Variants in BRAF observed in about 807,000 individuals in gnomAD.
BRAF encodes the protein B-Raf proto-oncogene, serine/threonine kinase, also known as serine/threonine-protein kinase B-raf.
A neutral mutation model predicts 104.6 loss-of-function variants in BRAF; 16 were observed. That is an observed-to-expected ratio of 0.15 (90% CI 0.10 to 0.23). The LOEUF (loss-of-function observed/expected upper bound fraction) is 0.23, where lower values mean the gene tolerates loss of function less well. Ranked by LOEUF, BRAF falls within the 10% of genes least tolerant of loss-of-function variation. BRAF has a pLI of 1.00. For synonymous variants in BRAF, 310 were observed against 341.6 expected, an observed-to-expected ratio of 0.91 and a Z score of 1.02; for missense variants, 541 against 937.3, an observed-to-expected ratio of 0.58 and a Z score of 5.52.
At chr7:140,735,276 C>G (rs551758400) in intron 18 of BRAF, among the ~76,000 whole-genome samples, 16 of 152,332 alleles carry the variant, frequency 1.1e-4, no homozygotes, top group African/African-American at 3.6e-4. Context: ...CAGAACCTCA[C>G]AGACCCAGAG....
At chr7:140,799,221 T>G (rs1429704752) in intron 7 of BRAF, 1 of 227,274 alleles carries the variant, frequency 4.4e-6, no homozygotes, top group Non-Finnish European at 8.8e-6. Context: ...GTTCATTTTT[T>G]TCTTTTACGC....
At chr7:140,787,211 G>A (rs1168665778) in intron 9 of BRAF, among the ~76,000 whole-genome samples, 1 of 146,650 alleles carries the variant, frequency 6.8e-6, no homozygotes, top group Non-Finnish European at 1.5e-5. Flanking sequence ...TGAGGCAGGA[G>A]AATGGCGTGA....
intron 1 of BRAF, among the ~76,000 whole-genome samples, chr7:140,898,224 A>G (rs61441714): frequency 0.065 from 9,909 of 152,264 alleles, 363 homozygotes; most frequent in Admixed American, 0.096. Context: ...AAAAATACAA[A>G]TAAAAAAGGA....
intron 1 of BRAF, among the ~76,000 whole-genome samples, chr7:140,916,667 AT>A (rs1817667889): frequency 6.6e-6 from 1 of 152,220 alleles, no homozygotes. Context: ...AAGGAAATTA[AT>A]TTTGGTTGCA....
intron 1 of BRAF, among the ~76,000 whole-genome samples, chr7:140,877,892 T>C (rs1812443793): frequency 6.6e-6 from 1 of 152,086 alleles, no homozygotes. Flanking sequence ...AAACTCATAG[T>C]TAAAAACCTT....
Position 140,726,277 on chromosome 7 carries a change from T to A in BRAF, c.*217A>T. ...GGCAGACTTGTATGCTCGTGGTATT[T>A]TTGTTGAAGAAACACTGGCAGCAGA... is the stretch of plus-strand genomic sequence containing the variant. On this transcript the variant is annotated 3_prime_UTR_variant, in exon 20 of 20. Coordinates refer to ENST00000644969, the MANE Select transcript of BRAF (RefSeq NM_001374258.1). The A allele has an allele frequency of 7.1e-7, 1 of 1,410,804 alleles. No homozygotes were observed. The highest frequency in any genetic ancestry group is 9.2e-7 in the Non-Finnish European group (1 of 1,089,844). The allele number at this position is 1,410,804 out of a possible 1,614,324, so 87.4% of individuals were successfully genotyped here.
intron 14 of BRAF, among the ~76,000 whole-genome samples, chr7:140,755,454 T>G (rs571210137): frequency 1.3e-5 from 2 of 152,336 alleles, no homozygotes; most frequent in East Asian, 3.9e-4. Flanking sequence ...CATCTTCATT[T>G]AAACGTCCTC....
chr7:140,918,394 G>A (rs1353031037), intron 1 of BRAF, among the ~76,000 whole-genome samples: 4 of 152,142 alleles, frequency 2.6e-5, no homozygotes, highest in African/African-American at 4.8e-5. Flanking sequence ...TAGGGTTCAC[G>A]CTCCTGCCGC....
At chr7:140,809,033 A>C (rs759464298) in intron 3 of BRAF, 38 bp from the exon 4 acceptor site, 1 of 1,513,950 alleles carries the variant, frequency 6.6e-7, no homozygotes, top group South Asian at 1.1e-5. Context: ...AGGTAAAGGG[A>C]GCAAATTACA....
rs1210732372 is a variant in BRAF, at chr7:140,785,786, G to C, written c.1200C>G (p.Arg400=). The part of the protein sequence containing the change: ...GDGAPLNQLM[R]CLRKYQSRTP... ...TCCGGGATTGGTATTTCCGAAGACA[G>C]CGCATCAGCTGGTTCAAAGGGGCTG... The change falls in exon 10 of 20, where the codon CGC becomes CGG. Residue 400 remains arginine (R), a synonymous_variant. Transcript: ENST00000644969. 5.0e-6 allele frequency: 2 copies of C among 398,970 alleles called. No individual in the cohort carries two copies. Among genetic ancestry groups the C allele is most frequent in the Non-Finnish European group, 8.8e-6 (2 of 226,094 alleles). The allele number at this position is 398,970 out of a possible 1,614,324, so 24.7% of individuals were successfully genotyped here. A position where few individuals can be genotyped will look rare whatever the true frequency, so the allele number is the denominator to read the frequency against.
chr7:140,839,202 T>C (rs1028472895), intron 2 of BRAF, among the ~76,000 whole-genome samples: 8 of 152,134 alleles, frequency 5.3e-5, no homozygotes, highest in Non-Finnish European at 4.4e-5. Context: ...AGGCCAGGCA[T>C]GTTGGCTCAC....
intron 1 of BRAF, among the ~76,000 whole-genome samples, chr7:140,864,115 T>G (rs555856394): frequency 6.6e-6 from 1 of 152,178 alleles, no homozygotes; most frequent in Non-Finnish European, 1.5e-5. Context: ...GCGCCAAGAA[T>G]GAATGCAGGG....
At chr7:140,891,900 T>C (rs998045549) in intron 1 of BRAF, among the ~76,000 whole-genome samples, 1 of 152,210 alleles carries the variant, frequency 6.6e-6, no homozygotes, top group Non-Finnish European at 1.5e-5. Flanking sequence ...TTTCAAAGAA[T>C]ATTAGCATAT....
Position 140,723,021 on chromosome 7 carries a change from A to G in BRAF, c.*3473T>C. ...ATCTTAAATCATCGTCATGTTCTAG[A>G]GCTCCTGACTTTTCATATTTTAAAA... On this transcript the variant is annotated 3_prime_UTR_variant, in exon 20 of 20. Coordinates refer to ENST00000644969, the MANE Select transcript of BRAF (RefSeq NM_001374258.1). The G allele has an allele frequency of 1.9e-6, 2 of 1,052,914 alleles. No homozygotes were observed. The highest frequency in any genetic ancestry group is 2.3e-6 in the Non-Finnish European group (2 of 871,564). 65.2% of individuals were successfully genotyped at this position (1,052,914 alleles called of 1,614,324 possible). A position where few individuals can be genotyped will look rare whatever the true frequency, so the allele number is the denominator to read the frequency against.
intron 1 of BRAF, among the ~76,000 whole-genome samples, chr7:140,875,200 T>C (rs1027389025): frequency 2.0e-5 from 3 of 152,184 alleles, no homozygotes; most frequent in African/African-American, 7.2e-5. Context: ...AGTGAACTTC[T>C]AAAAGCAAAG....
intron 10 of BRAF, 119 bp from the exon 10 acceptor site, chr7:140,783,276 T>G (rs1231535984): frequency 1.5e-6 from 2 of 1,296,650 alleles, no homozygotes; most frequent in East Asian, 5.1e-5. Context: ...TGTTTAAATA[T>G]AGACCTTTTG....
rs973979869 is a variant in BRAF at position 140,872,045 on chromosome 7, G to A, written c.139-21833C>T. Among the ~76,000 whole-genome samples, 8 of 151,952 alleles carry A rather than the reference G, an allele frequency of 5.3e-5. 1 individual carries two copies. The highest frequency in any genetic ancestry group is 6.6e-5 in the Admixed American group (1 of 15,234). ...TAGCCTGACCAACATGGTGAACCCC[G>A]TTTCCACTAAAAGTACAAAATTAGC... On this transcript the variant is annotated intron_variant, in intron 1 of 19. Transcript: ENST00000644969.
intron 10 of BRAF, among the ~76,000 whole-genome samples, chr7:140,784,140 T>A (rs1192665123): frequency 6.6e-6 from 1 of 152,120 alleles, no homozygotes; most frequent in Non-Finnish European, 1.5e-5. Flanking sequence ...GAAAATAGAT[T>A]CTTTTTAAAA....
intron 1 of BRAF, among the ~76,000 whole-genome samples, chr7:140,916,924 T>G (rs988466167): frequency 2.0e-5 from 3 of 152,156 alleles, no homozygotes; most frequent in Non-Finnish European, 1.5e-5. Flanking sequence ...ACTAAGGTAG[T>G]GGGGTATTAG....
Sources: allele counts gnomAD v4.1 joint callset (sites outside exome capture counted in the v4.1 genomes callset), GRCh38; gene constraint gnomAD v4.1.1; transcripts MANE v1.5; gene names NCBI Gene and HGNC (gene_info 2026-07-23, HGNC 2026-07-21).